The following AK9 variants were observed in gnomAD, a reference collection of about 807,000 sequenced individuals.
The protein encoded by AK9 is adenylate kinase domain containing 1.
AK9 carries 191 observed loss-of-function variants against 239.6 expected under a neutral mutation model. That is an observed-to-expected ratio of 0.80 (90% confidence interval 0.71 to 0.90). The LOEUF (loss-of-function observed/expected upper bound fraction) is 0.90. AK9 is among the 40% of genes least tolerant of loss of function. The probability of loss-of-function intolerance (pLI) is 0.00; values close to 1 mark genes in which losing one functional copy is unlikely to be tolerated. For synonymous variants in AK9, 689 were observed against 721.0 expected (o/e 0.96, Z 0.71); for missense variants, 1,995 against 2,214.7 (o/e 0.90, Z 1.99).
chr6:109,548,992 T>C (rs1162513823), intron 25 of AK9, among the ~76,000 whole-genome samples: 1 of 152,194 alleles, frequency 6.6e-6, no homozygotes, highest in African/African-American at 2.4e-5. Context: ...ATTTTCCTTG[T>C]TAAGCTTCTG....
chr6:109,563,525 T>G, intron 24 of AK9, 72 bp downstream of exon 24: 1 of 1,517,152 alleles, frequency 6.6e-7, no homozygotes, highest in Non-Finnish European at 8.8e-7. Flanking sequence ...CCAAAAGTGA[T>G]AGTTACCACT....
At chr6:109,680,816 A>G (rs1223584217) in intron 1 of AK9, among the ~76,000 whole-genome samples, 2 of 152,246 alleles carry the variant, frequency 1.3e-5, no homozygotes, top group Non-Finnish European at 2.9e-5. Context: ...CTTAAAGAAA[A>G]GAATTTTCAA....
intron 27 of AK9, among the ~76,000 whole-genome samples, chr6:109,539,836 C>G (rs994898964): frequency 6.6e-6 from 1 of 152,142 alleles, no homozygotes; most frequent in South Asian, 2.1e-4. Flanking sequence ...GGACCCTCAG[C>G]TGTAGATTTG....
At chr6:109,666,987 C>G (rs1400509197) in intron 5 of AK9, among the ~76,000 whole-genome samples, 1 of 152,186 alleles carries the variant, frequency 6.6e-6, no homozygotes, top group African/African-American at 2.4e-5. Context: ...AAGCAGGGAG[C>G]AGTGAGGAGC....
chr6:109,545,131 A>AGC (rs1174176139), intron 26 of AK9, among the ~76,000 whole-genome samples: 1 of 152,206 alleles, frequency 6.6e-6, no homozygotes, highest in African/African-American at 2.4e-5. Flanking sequence ...AACACCAGTA[A>AGC]GCACAGCTGT....
At position 109,638,267 on chromosome 6, in the gene AK9, C is replaced by T. The variant is rs143299218; in HGVS notation, c.933+3251G>A. Among the ~76,000 whole-genome samples, 5 of 152,138 alleles carry T rather than the reference C, an allele frequency of 3.3e-5. No individual in the cohort carries two copies. In the East Asian group the frequency reaches 9.7e-4, roughly 29 times the overall value. ...TGACCTAGAACAGGAGGCCTCAGTACTCAGTTTATTTTTCCCAGCCTCTGT... is the reference window on the plus strand; with the variant it reads ...TGACCTAGAACAGGAGGCCTCAGTATTCAGTTTATTTTTCCCAGCCTCTGT... On this transcript the variant is annotated intron_variant, in intron 10 of 40. Transcript: ENST00000424296.
In AK9 at chr6:109,517,600, A is replaced by G. The variant is rs1472779134; in HGVS notation, c.3634-958T>C. 2.0e-5 allele frequency among the ~76,000 whole-genome samples: 3 copies of G among 152,348 alleles called. No homozygotes were observed. In the East Asian group the frequency reaches 5.8e-4, roughly 29 times the overall value. On this transcript the variant is annotated intron_variant, in intron 29 of 40. Coordinates refer to ENST00000424296, the MANE Select transcript of AK9 (RefSeq NM_001145128.3). Reference sequence around the variant, plus strand: ...ATTAGTTAATACATGCAAAGCCGTTAGAAAAATGTCTGGCATATGGTAAGT... The same window carrying G: ...ATTAGTTAATACATGCAAAGCCGTTGGAAAAATGTCTGGCATATGGTAAGT...
chr6:109,586,189 G>GA (rs138580174), intron 17 of AK9, 117 bp from the exon 18 acceptor site: 68 of 877,304 alleles, frequency 7.8e-5, no homozygotes, highest in South Asian at 9.9e-5. Context: ...CTTTCAAAAG[G>GA]AAAAAAAAGG....
At chr6:109,592,423 C>G (rs925431256) in intron 17 of AK9, among the ~76,000 whole-genome samples, 1 of 147,834 alleles carries the variant, frequency 6.8e-6, no homozygotes, top group Non-Finnish European at 1.5e-5. Context: ...GGTGAGAAGT[C>G]TGTTGTTAGT....
intron 12 of AK9, among the ~76,000 whole-genome samples, chr6:109,623,862 G>GACAC (rs567410173): frequency 0.15 from 20,948 of 135,956 alleles, 1,574 homozygotes; most frequent in Non-Finnish European, 0.17. Flanking sequence ...AGGAATCTTA[G>GACAC]ACACACACAC....
rs1002243123 is a variant in AK9 at position 109,622,319 on chromosome 6, ATATATG to A, written c.1255-3089_1255-3084del. On this transcript the variant is annotated intron_variant, in intron 12 of 40. Coordinates refer to ENST00000424296, the MANE Select transcript of AK9 (RefSeq NM_001145128.3). ...TATGTATACATACACATACATGTAC[ATATATG>A]TATATGTATATACTATAGTCATATA... 7.7e-5 allele frequency among the ~76,000 whole-genome samples: 11 copies of A among 143,566 alleles called. No homozygotes were observed. The East Asian group carries it at 1.8e-3, about 24-fold the overall frequency. The allele number at this position is 143,566 out of a possible 152,430, so 94.2% of individuals were successfully genotyped here. A position where few individuals can be genotyped will look rare whatever the true frequency, so the allele number is the denominator to read the frequency against.
chr6:109,547,926 C>G (rs1255179540), intron 25 of AK9, among the ~76,000 whole-genome samples: 6 of 145,624 alleles, frequency 4.1e-5, no homozygotes. Flanking sequence ...CTCAAAAGAA[C>G]ACATACAAAT....
At chr6:109,519,206 C>T (rs11153185) in intron 29 of AK9, among the ~76,000 whole-genome samples, 1 of 152,110 alleles carries the variant, frequency 6.6e-6, no homozygotes, top group African/African-American at 2.4e-5. Context: ...TTTCCTTTAC[C>T]CAGTCCACCA....
chr6:109,590,730 ATC>A (rs1347057826), intron 17 of AK9, among the ~76,000 whole-genome samples: 1 of 152,024 alleles, frequency 6.6e-6, no homozygotes, highest in Admixed American at 6.5e-5. Context: ...GTCTATTTTC[ATC>A]TGTTTCAAAA....
chr6:109,662,348 G>C (rs1222057131), intron 6 of AK9, among the ~76,000 whole-genome samples: 2 of 152,182 alleles, frequency 1.3e-5, no homozygotes, highest in Non-Finnish European at 2.9e-5. Context: ...GAGGAAGCCT[G>C]GTGAAGAGGC....
intron 21 of AK9, among the ~76,000 whole-genome samples, chr6:109,566,975 C>G (rs140468475): frequency 6.6e-6 from 1 of 152,114 alleles, no homozygotes; most frequent in African/African-American, 2.4e-5. Flanking sequence ...CAAGAGAAAG[C>G]AGGCAAGATC....
intron 35 of AK9, among the ~76,000 whole-genome samples, chr6:109,501,638 C>G (rs571214275): frequency 1.3e-5 from 2 of 152,224 alleles, no homozygotes; most frequent in Non-Finnish European, 2.9e-5. Context: ...AGCACTACTC[C>G]TAACAAGGTC....
At chr6:109,650,842 C>A (rs1487586037) in intron 8 of AK9, among the ~76,000 whole-genome samples, 2 of 152,168 alleles carry the variant, frequency 1.3e-5, no homozygotes, top group African/African-American at 2.4e-5. Flanking sequence ...AAATGTCGAA[C>A]AACGACAGAC....
At chr6:109,658,948 A>G (rs540356700) in intron 7 of AK9, among the ~76,000 whole-genome samples, 1 of 152,298 alleles carries the variant, frequency 6.6e-6, no homozygotes, top group South Asian at 2.1e-4. Context: ...ACAGTAGGTG[A>G]CCAATAACTC....
Sources: gnomAD v4.1 joint callset for allele counts (sites outside exome capture counted in the v4.1 genomes callset) on GRCh38, gnomAD v4.1.1 for gene constraint, MANE v1.5 for transcripts, NCBI Gene and HGNC (gene_info 2026-07-23, HGNC 2026-07-21) for gene names.